The following HSPA12A variants were observed in gnomAD, a reference collection of about 807,000 sequenced individuals.
HSPA12A encodes heat shock protein family A (Hsp70) member 12A.
HSPA12A carries 28 observed loss-of-function variants against 69.2 expected under a neutral mutation model. The ratio of observed to expected loss-of-function variants is 0.40; its 90% CI spans 0.30 to 0.55. The LOEUF (loss-of-function observed/expected upper bound fraction) is 0.55, where lower values mean the gene tolerates loss of function less well. Among genes scored for constraint, HSPA12A ranks in the 20% least tolerant of loss-of-function variants. HSPA12A has a pLI of 0.38. For missense variants in HSPA12A, 686 were observed against 900.7 expected, an observed-to-expected ratio of 0.76 and a Z score of 3.05; for synonymous variants, 345 against 370.5, an observed-to-expected ratio of 0.93 and a Z score of 0.79.
chr10:116,682,175 C>T (rs576067604), intron 7 of HSPA12A, among the ~76,000 whole-genome samples: 1 of 152,198 alleles, frequency 6.6e-6, no homozygotes, highest in East Asian at 1.9e-4. Context: ...CCATTTTCCA[C>T]GTGAAAAAAA....
chr10:116,704,519 G>A (rs570901576), intron 3 of HSPA12A, among the ~76,000 whole-genome samples: 79 of 152,202 alleles, frequency 5.2e-4, no homozygotes, highest in African/African-American at 1.7e-3. Flanking sequence ...TAAATGACGA[G>A]TTAATGGGTG....
At chr10:116,810,115 G>A (rs564294150) in intron 2 of HSPA12A, among the ~76,000 whole-genome samples, 2 of 152,306 alleles carry the variant, frequency 1.3e-5, no homozygotes, top group African/African-American at 2.4e-5. Flanking sequence ...GCCATGGGGG[G>A]TGCTGGGGTC....
intron 1 of HSPA12A, among the ~76,000 whole-genome samples, chr10:116,841,675 G>T (rs1008621348): frequency 1.3e-5 from 2 of 151,842 alleles, no homozygotes; most frequent in African/African-American, 4.8e-5. Flanking sequence ...AATCAATACA[G>T]GTAAATTTGC....
chr10:116,714,153 G>A (rs1399898535), intron 1 of HSPA12A, among the ~76,000 whole-genome samples: 2 of 151,984 alleles, frequency 1.3e-5, no homozygotes, highest in East Asian at 3.9e-4. Context: ...GTGGATGGAT[G>A]GATGAATGGA....
At chr10:116,806,585 T>C (rs557049350) in intron 2 of HSPA12A, among the ~76,000 whole-genome samples, 28 of 152,156 alleles carry the variant, frequency 1.8e-4, no homozygotes, top group African/African-American at 6.5e-4. Context: ...CCACAGGCCA[T>C]GATATGAATC....
rs562989694 is a variant in HSPA12A, at chr10:116,790,140, C to T, written c.91+44795G>A. Among the ~76,000 whole-genome samples the T allele has an allele frequency of 1.3e-4, 17 of 134,056 alleles. No homozygotes were observed. The South Asian group carries it at 2.9e-3, about 23-fold the overall frequency. 87.9% of individuals were successfully genotyped at this position (134,056 alleles called of 152,430 possible). A position where few individuals can be genotyped will look rare whatever the true frequency, so the allele number is the denominator to read the frequency against. On this transcript the variant is annotated intron_variant, in intron 2 of 12. Coordinates refer to the HSPA12A transcript ENST00000635765. ...TTTTTGAGACAGAGTCTCGCTCTGTCGCCCAGGCCGGACTGCAGTGGCGGG... is the reference window on the plus strand; with the variant it reads ...TTTTTGAGACAGAGTCTCGCTCTGTTGCCCAGGCCGGACTGCAGTGGCGGG...
chr10:116,776,637 C>T (rs1844344871), intron 2 of HSPA12A, among the ~76,000 whole-genome samples: 3 of 152,192 alleles, frequency 2.0e-5, no homozygotes, highest in Admixed American at 2.0e-4. Context: ...GAATCCACCG[C>T]TTCCCTGAAG....
At chr10:116,771,628 A>G (rs1484113955) in intron 2 of HSPA12A, among the ~76,000 whole-genome samples, 1 of 152,216 alleles carries the variant, frequency 6.6e-6, no homozygotes, top group Non-Finnish European at 1.5e-5. Flanking sequence ...AAATTCCATC[A>G]TGGGAAATCC....
chr10:116,808,519 A>G (rs572820781), intron 2 of HSPA12A, among the ~76,000 whole-genome samples: 3 of 152,266 alleles, frequency 2.0e-5, no homozygotes, highest in African/African-American at 7.2e-5. Context: ...TCGCCCCACA[A>G]GCACACTGGA....
chr10:116,813,688 G>A (rs1211925995), intron 2 of HSPA12A, among the ~76,000 whole-genome samples: 2 of 152,048 alleles, frequency 1.3e-5, no homozygotes, highest in African/African-American at 2.4e-5. Context: ...AGACCAGCCT[G>A]GGCAACATAG....
At chr10:116,727,931 TGG>T (rs869047296) in intron 1 of HSPA12A, among the ~76,000 whole-genome samples, 12 of 151,792 alleles carry the variant, frequency 7.9e-5, no homozygotes, top group South Asian at 6.3e-4. Flanking sequence ...CTAATTTTTT[TGG>T]GGGGGGGACA....
intron 2 of HSPA12A, among the ~76,000 whole-genome samples, chr10:116,790,587 T>C (rs1466665426): frequency 1.3e-5 from 2 of 152,210 alleles, no homozygotes; most frequent in Non-Finnish European, 2.9e-5. Context: ...CCTGGCTTCA[T>C]TCACAGCCCA....
At chr10:116,720,541 C>T (rs1273869691) in intron 1 of HSPA12A, among the ~76,000 whole-genome samples, 1 of 152,370 alleles carries the variant, frequency 6.6e-6, no homozygotes, top group East Asian at 1.9e-4. Flanking sequence ...TCCCCAAGGC[C>T]AGACGTGCCA....
At chr10:116,798,998 C>A (rs1844897465) in intron 2 of HSPA12A, among the ~76,000 whole-genome samples, 1 of 152,094 alleles carries the variant, frequency 6.6e-6, no homozygotes. Flanking sequence ...CCGACAGGGC[C>A]CACTGGCGAG....
chr10:116,690,705 C>T (rs1378386952), intron 6 of HSPA12A, among the ~76,000 whole-genome samples: 1 of 152,140 alleles, frequency 6.6e-6, no homozygotes, highest in East Asian at 1.9e-4. Context: ...ACTGTGACTC[C>T]CCAGTGTGAG....
chr10:116,701,221 T>C, intron 3 of HSPA12A, 92 bp from the exon 4 acceptor site: 1 of 1,243,834 alleles, frequency 8.0e-7, no homozygotes, highest in Admixed American at 2.0e-5. Context: ...TGCATGAGTG[T>C]CAGTAATGTG....
chr10:116,835,074 T>A, intron 1 of HSPA12A: 1 of 1,154,462 alleles, frequency 8.7e-7, no homozygotes, highest in Non-Finnish European at 1.1e-6. Context: ...TTTGTTTCCA[T>A]GTTGCTCTTA....
chr10:116,707,674 T>A (rs7097991), intron 1 of HSPA12A, among the ~76,000 whole-genome samples: 5,898 of 152,208 alleles, frequency 0.039, 412 homozygotes, highest in African/African-American at 0.14. Context: ...TATGTCAAAT[T>A]TTTGTGTGCA....
At position 116,742,370 on chromosome 10, in the gene HSPA12A, C is replaced by G. The variant is rs1341880417; in HGVS notation, c.40+60G>C. The G allele has an allele frequency of 4.3e-6, 6 of 1,409,422 alleles. No homozygotes were observed. The East Asian group carries it at 1.3e-4, about 31-fold the overall frequency. 87.3% of individuals were successfully genotyped at this position (1,409,422 alleles called of 1,614,324 possible). On this transcript the variant is annotated intron_variant, in intron 1 of 11. Coordinates refer to ENST00000369209, the MANE Select transcript of HSPA12A (RefSeq NM_025015.3). ...AGGGGGTGCGGAGCGTTGGGCCAAG[C>G]GCGCCTCCTCCCTCCCTGCCCCGCC...
Sources: gnomAD v4.1 joint callset for allele counts (sites outside exome capture counted in the v4.1 genomes callset) on GRCh38, gnomAD v4.1.1 for gene constraint, MANE v1.5 for transcripts, NCBI Gene and HGNC (gene_info 2026-07-23, HGNC 2026-07-21) for gene names.